The following PAN3 variants were observed in gnomAD, a reference collection of about 807,000 sequenced individuals.
PAN3 encodes the protein poly(A) specific ribonuclease subunit PAN3.
Under a neutral mutation model 96.2 loss-of-function variants are expected in PAN3, and 19 were observed. That is an observed-to-expected ratio of 0.20 (90% confidence interval 0.14 to 0.29). PAN3 has a LOEUF of 0.29. Among genes scored for constraint, PAN3 ranks in the 10% least tolerant of loss-of-function variants. The pLI is 1.00. For missense variants in PAN3, 882 were observed against 1,108.1 expected (o/e 0.80, Z 2.90); for synonymous variants, 433 against 406.6 (o/e 1.06, Z -0.78).
rs748859113 is a variant in PAN3 at position 28,197,260 on chromosome 13, C to T, written c.766C>T (p.Pro256Ser). The stretch of plus-strand genomic sequence containing the variant: ...ATCAAAGGCACGAAAAGCAAAGAAC[C>T]CTATTGGCTGCCTTGCTGACAGGTG... ...MGSKARKAKN[P>S]IGCLADRCKS... is the part of the protein sequence containing the mutation. The change falls in exon 5 of 19, where the codon CCT becomes TCT. Residue 256 changes from proline to serine, a missense_variant. Pro to Ser is a moderately conservative substitution (Grantham distance 74, BLOSUM62 -1). Coordinates refer to ENST00000380958, the MANE Select transcript of PAN3 (RefSeq NM_175854.8). 1.2e-6 allele frequency: 2 copies of T among 1,613,108 alleles called. No homozygotes were observed. Among genetic ancestry groups the T allele is most frequent in the African/African-American group, 1.3e-5 (1 of 74,964 alleles).
chr13:28,238,709 A>G (rs1482144994), intron 6 of PAN3, among the ~76,000 whole-genome samples: 1 of 152,208 alleles, frequency 6.6e-6, no homozygotes, highest in African/African-American at 2.4e-5. Flanking sequence ...AAACAAAAAA[A>G]CTTTCAGTCT....
chr13:28,206,144 A>G (rs1223646798), intron 5 of PAN3, among the ~76,000 whole-genome samples: 4 of 152,098 alleles, frequency 2.6e-5, no homozygotes, highest in Non-Finnish European at 5.9e-5. Flanking sequence ...ACATGAGGAA[A>G]AGGTTCTTTG....
intron 5 of PAN3, among the ~76,000 whole-genome samples, chr13:28,206,207 A>C (rs76554448): frequency 6.6e-6 from 1 of 150,956 alleles, no homozygotes; most frequent in East Asian, 2.0e-4. Flanking sequence ...GTTCCTACTT[A>C]TTATGGTGAC....
intron 6 of PAN3, among the ~76,000 whole-genome samples, chr13:28,249,740 G>A (rs571091641): frequency 4.6e-5 from 7 of 152,264 alleles, no homozygotes; most frequent in Admixed American, 1.3e-4. Flanking sequence ...GTGAGCCACC[G>A]CGCCCGGCCA....
At chr13:28,186,272 G>C (rs1876455383) in intron 4 of PAN3, among the ~76,000 whole-genome samples, 1 of 152,192 alleles carries the variant, frequency 6.6e-6, no homozygotes, top group South Asian at 2.1e-4. Context: ...GAGTATTACA[G>C]AATGTGGAAT....
chr13:28,265,525 A>G (rs1285893715), intron 9 of PAN3, among the ~76,000 whole-genome samples: 1 of 152,178 alleles, frequency 6.6e-6, no homozygotes, highest in African/African-American at 2.4e-5. Flanking sequence ...AATCCTTATT[A>G]TCCTCATTTA....
At chr13:28,249,340 T>C (rs1000791962) in intron 6 of PAN3, among the ~76,000 whole-genome samples, 1 of 152,226 alleles carries the variant, frequency 6.6e-6, no homozygotes, top group East Asian at 1.9e-4. Context: ...TTGGATGTTA[T>C]ATATTATGTT....
intron 6 of PAN3, among the ~76,000 whole-genome samples, chr13:28,233,875 C>T (rs1337591908): frequency 1.3e-5 from 2 of 152,078 alleles, no homozygotes; most frequent in African/African-American, 4.8e-5. Context: ...TGTTTTATTG[C>T]ATTAACATTG....
chr13:28,244,163 G>C (rs2147186), intron 6 of PAN3, among the ~76,000 whole-genome samples: 2 of 152,218 alleles, frequency 1.3e-5, no homozygotes, highest in Admixed American at 1.3e-4. Context: ...AAGAACTGTA[G>C]GTTAAGCAGA....
chr13:28,196,726 T>C (rs555279564), intron 4 of PAN3, among the ~76,000 whole-genome samples: 1 of 152,268 alleles, frequency 6.6e-6, no homozygotes, highest in East Asian at 1.9e-4. Context: ...CAGTAGGAAA[T>C]AAAGTAACAA....
chr13:28,170,159 C>T (rs962105773), intron 1 of PAN3, among the ~76,000 whole-genome samples: 10 of 152,264 alleles, frequency 6.6e-5, no homozygotes, highest in Non-Finnish European at 1.2e-4. Context: ...CAGGTGTTTC[C>T]TCTGCTAGGG....
chr13:28,227,203 CAG>C (rs1300206831), intron 6 of PAN3, among the ~76,000 whole-genome samples: 1 of 152,156 alleles, frequency 6.6e-6, no homozygotes, highest in Non-Finnish European at 1.5e-5. Context: ...GTTTATGGCG[CAG>C]AGAGGGATGT....
intron 12 of PAN3, among the ~76,000 whole-genome samples, chr13:28,268,772 A>ATT (rs1886384042): frequency 6.6e-6 from 1 of 152,150 alleles, no homozygotes; most frequent in Admixed American, 6.6e-5. Context: ...CAAGACTCTA[A>ATT]TTATAGACAA....
rs374078247 is a variant in PAN3 at position 28,266,893 on chromosome 13, A to G, written c.1573+17A>G. On this transcript the variant is annotated intron_variant, in intron 10 of 18. Coordinates refer to ENST00000380958, the MANE Select transcript of PAN3 (RefSeq NM_175854.8). ...GGATACATGGTAAGGAAGATAAGTTATCTTCTTTTATAATCGTATCATTGA... is the reference window on the plus strand; with the variant it reads ...GGATACATGGTAAGGAAGATAAGTTGTCTTCTTTTATAATCGTATCATTGA... 17 of 1,539,516 alleles carry G rather than the reference A, an allele frequency of 1.1e-5. No individual in the cohort carries two copies. The African/African-American group carries it at 1.9e-4, about 17-fold the overall frequency.
intron 5 of PAN3, among the ~76,000 whole-genome samples, chr13:28,198,134 A>T (rs1311905955): frequency 1.3e-5 from 2 of 151,932 alleles, no homozygotes. Context: ...GAAAAGAAAA[A>T]TTTTAGCCAG....
intron 5 of PAN3, among the ~76,000 whole-genome samples, chr13:28,204,003 G>T (rs548883130): frequency 6.6e-6 from 1 of 151,924 alleles, no homozygotes; most frequent in South Asian, 2.1e-4. Flanking sequence ...GGGTTTCACC[G>T]TGTTGGCCAG....
chr13:28,153,868 A>T (rs1487251256), intron 1 of PAN3, among the ~76,000 whole-genome samples: 1 of 152,212 alleles, frequency 6.6e-6, no homozygotes, highest in African/African-American at 2.4e-5. Context: ...TTAAGCTGAT[A>T]CTTTATGTGA....
upstream of PAN3, chr13:28,138,467 CCTT>C (rs1363148137): frequency 4.5e-6 from 1 of 223,648 alleles, no homozygotes; most frequent in African/African-American, 2.3e-5. Flanking sequence ...TACCCTCCCT[CCTT>C]CTACCCCCTC....
At chr13:28,164,784 A>G (rs759272614) in intron 1 of PAN3, among the ~76,000 whole-genome samples, 1 of 152,246 alleles carries the variant, frequency 6.6e-6, no homozygotes, top group Non-Finnish European at 1.5e-5. Flanking sequence ...ATTAGACTCA[A>G]TTCATTAAGA....
Sources: gnomAD v4.1 joint callset for allele counts (sites outside exome capture counted in the v4.1 genomes callset) on GRCh38, gnomAD v4.1.1 for gene constraint, MANE v1.5 for transcripts, NCBI Gene and HGNC (gene_info 2026-07-23, HGNC 2026-07-21) for gene names.